The following RCAN1 variants were observed in gnomAD, a reference collection of about 807,000 sequenced individuals.
RCAN1 encodes calcipressin-1.
Under a neutral mutation model 22.9 loss-of-function variants are expected in RCAN1, and 11 were observed. The ratio of observed to expected loss-of-function variants is 0.48; its 90% confidence interval spans 0.30 to 0.79. The LOEUF (loss-of-function observed/expected upper bound fraction) is 0.79. Among genes scored for constraint, RCAN1 ranks in the 30% least tolerant of loss-of-function variants. RCAN1 has a pLI of 0.06. For missense variants in RCAN1, 291 were observed against 337.8 expected (o/e 0.86, Z 1.09); for synonymous variants, 136 against 142.3 (o/e 0.96, Z 0.32).
In RCAN1 at chr21:34,520,288, C is replaced by T. The variant is rs79891892; in HGVS notation, c.586+1211G>A. On this transcript the variant is annotated intron_variant, in intron 3 of 3. Transcript: ENST00000313806. ...CAGCATTTGCCTCTGGAACTGTGGA[C>T]ACCTCTTTGCAAGTGGAGACCCTGT... is the stretch of plus-strand genomic sequence containing the variant. Among the ~76,000 whole-genome samples the T allele has an allele frequency of 1.1e-3, 166 of 152,296 alleles. 1 individual carries two copies. The highest frequency in any genetic ancestry group is 2.0e-3 in the Non-Finnish European group (133 of 68,022).
rs1380455876 is a variant in RCAN1 at position 34,518,678 on chromosome 21, G to A, written c.587-422C>T. Among the ~76,000 whole-genome samples the A allele has an allele frequency of 6.6e-6, 1 of 152,232 alleles. No individual in the cohort carries two copies. The highest frequency in any genetic ancestry group is 2.4e-5 in the African/African-American group (1 of 41,460). On this transcript the variant is annotated intron_variant, in intron 3 of 3. Coordinates refer to ENST00000313806, the MANE Select transcript of RCAN1 (RefSeq NM_004414.7). The surrounding 1 kb of genome is among the most constrained non-coding windows in gnomAD (Gnocchi z 4.2). ...CAGAACCCTGGGCCTCCCTCATGCA[G>A]CTCCTATTTGAGGGTCGCAGTGCAC...
chr21:34,533,174 A>C (rs1985505779), intron 1 of RCAN1, among the ~76,000 whole-genome samples: 1 of 151,732 alleles, frequency 6.6e-6, no homozygotes, highest in African/African-American at 2.4e-5. Context: ...GTTAGCCAGG[A>C]TGGTCTTGAT....
At position 34,518,570 on chromosome 21, in the gene RCAN1, C is replaced by G. The variant is rs1403900473; in HGVS notation, c.587-314G>C. On this transcript the variant is annotated intron_variant, in intron 3 of 3. Coordinates refer to ENST00000313806, the MANE Select transcript of RCAN1 (RefSeq NM_004414.7). The surrounding 1 kb of genome is among the most constrained non-coding windows in gnomAD (Gnocchi z 4.2). ...AGATATCTAAACTACCCAGAGAACT[C>G]CCTTTCTGTCAGCATTTCCTCAAGT... Among the ~76,000 whole-genome samples the G allele has an allele frequency of 6.6e-6, 1 of 152,222 alleles. No individual in the cohort carries two copies. The highest frequency in any genetic ancestry group is 2.1e-4 in the South Asian group (1 of 4,822).
In RCAN1 at chr21:34,517,507, T is replaced by A. The variant is rs1229365078; in HGVS notation, c.*577A>T. On this transcript the variant is annotated 3_prime_UTR_variant, in exon 4 of 4. Coordinates refer to ENST00000313806, the MANE Select transcript of RCAN1 (RefSeq NM_004414.7). ...AACGCTTTCCTGGCTTCCCAAAAGA[T>A]GTAAAACAACAACGGTGTAACTTTA... The A allele has an allele frequency of 6.6e-6, 1 of 152,228 alleles. No homozygotes were observed. Among genetic ancestry groups the A allele is most frequent in the African/African-American group, 2.4e-5 (1 of 41,456 alleles). 9.4% of individuals were successfully genotyped at this position (152,228 alleles called of 1,614,324 possible).
At chr21:34,604,866 T>A (rs1321815187) in intron 1 of RCAN1, among the ~76,000 whole-genome samples, 1 of 152,144 alleles carries the variant, frequency 6.6e-6, no homozygotes, top group African/African-American at 2.4e-5. Context: ...CCAAAAGGTA[T>A]TTGTTGAATA....
intron 1 of RCAN1, among the ~76,000 whole-genome samples, chr21:34,603,063 T>G (rs749034307): frequency 2.0e-5 from 3 of 152,150 alleles, no homozygotes; most frequent in Non-Finnish European, 4.4e-5. Flanking sequence ...GTCTCTCCAC[T>G]TGAAAGGTTC....
rs778496731 is a variant in RCAN1 at position 34,614,740 on chromosome 21, C to G, written c.252+20G>C. 9.9e-6 allele frequency: 14 copies of G among 1,411,168 alleles called. No individual in the cohort carries two copies. In the South Asian group the frequency reaches 1.8e-4, roughly 18 times the overall value. The allele number at this position is 1,411,168 out of a possible 1,614,324, so 87.4% of individuals were successfully genotyped here. A position where few individuals can be genotyped will look rare whatever the true frequency, so the allele number is the denominator to read the frequency against. Reference sequence around the variant, plus strand: ...AGTGTCCGCCCTCCGCCCCGACGGCCCGCCCGGCGCGGTCCTCACCCGGCA... The same window carrying G: ...AGTGTCCGCCCTCCGCCCCGACGGCGCGCCCGGCGCGGTCCTCACCCGGCA... On this transcript the variant is annotated intron_variant, in intron 1 of 3. Coordinates refer to ENST00000313806, the MANE Select transcript of RCAN1 (RefSeq NM_004414.7). This position sits in a 1 kb window ranked among gnomAD's most constrained non-coding sequence, Gnocchi z 6.0.
Position 34,574,327 on chromosome 21 carries a change from C to G in RCAN1, c.252+40433G>C, listed in dbSNP as rs78939490. Reference sequence around the variant, plus strand: ...ACCTGCAGATAAGCTATCAATCAAGCGTGAGGGTGAGATACTACGTATATT... The same window carrying G: ...ACCTGCAGATAAGCTATCAATCAAGGGTGAGGGTGAGATACTACGTATATT... On this transcript the variant is annotated intron_variant, in intron 1 of 3. Transcript: ENST00000313806. 4.4e-3 allele frequency among the ~76,000 whole-genome samples: 674 copies of G among 152,250 alleles called. 3 individuals carry two copies. The highest frequency in any genetic ancestry group is 0.015 in the African/African-American group (630 of 41,542).
intron 1 of RCAN1, among the ~76,000 whole-genome samples, chr21:34,534,805 G>A (rs903964461): frequency 2.0e-5 from 3 of 152,262 alleles, no homozygotes; most frequent in Admixed American, 2.0e-4. Flanking sequence ...CTCTGTGGGT[G>A]TCACATTCCC....
intron 1 of RCAN1, among the ~76,000 whole-genome samples, chr21:34,610,080 C>T (rs1568935842): frequency 6.6e-6 from 1 of 152,140 alleles, no homozygotes; most frequent in African/African-American, 2.4e-5. Flanking sequence ...CCTGGATTTT[C>T]CAGTGCAATA....
At chr21:34,578,763 A>C (rs1199942919) in intron 1 of RCAN1, among the ~76,000 whole-genome samples, 1 of 151,924 alleles carries the variant, frequency 6.6e-6, no homozygotes, top group Non-Finnish European at 1.5e-5. Flanking sequence ...GCATGTTACC[A>C]AGTGTTACCA....
intron 1 of RCAN1, among the ~76,000 whole-genome samples, chr21:34,560,900 GCT>G (rs1469536340): frequency 1.3e-5 from 2 of 152,094 alleles, no homozygotes; most frequent in African/African-American, 4.8e-5. Context: ...ATGTGATTTG[GCT>G]CTGTGTCCCC....
intron 2 of RCAN1, 100 bp downstream of exon 2, chr21:34,523,435 CAG>C: frequency 8.8e-7 from 1 of 1,134,914 alleles, no homozygotes; most frequent in East Asian, 2.4e-5. Context: ...GGTGAAGTCT[CAG>C]AGTTTCCGGT....
At chr21:34,598,227 A>G (rs1988226763) in intron 1 of RCAN1, among the ~76,000 whole-genome samples, 1 of 152,222 alleles carries the variant, frequency 6.6e-6, no homozygotes, top group Non-Finnish European at 1.5e-5. Context: ...TAGAGTTCCC[A>G]AAGAAGAAGC....
At chr21:34,561,211 T>C (rs576139303) in intron 1 of RCAN1, among the ~76,000 whole-genome samples, 2 of 152,288 alleles carry the variant, frequency 1.3e-5, no homozygotes, top group Non-Finnish European at 2.9e-5. Context: ...CTTTCCTTTA[T>C]AAATTACCCT....
At chr21:34,597,256 A>G (rs926640597) in intron 1 of RCAN1, among the ~76,000 whole-genome samples, 20 of 152,252 alleles carry the variant, frequency 1.3e-4, no homozygotes, top group African/African-American at 4.3e-4. Context: ...TAAGTGCTCA[A>G]TAACATGACA....
At chr21:34,541,040 G>C (rs1386547332) in intron 1 of RCAN1, among the ~76,000 whole-genome samples, 2 of 152,134 alleles carry the variant, frequency 1.3e-5, no homozygotes, top group African/African-American at 4.8e-5. Flanking sequence ...GCCATGACCA[G>C]GTGCTCAGTA....
chr21:34,551,852 T>A (rs1207906621), intron 1 of RCAN1, among the ~76,000 whole-genome samples: 1 of 152,142 alleles, frequency 6.6e-6, no homozygotes, highest in African/African-American at 2.4e-5. Flanking sequence ...GGGGAAGACT[T>A]AGATGACCAA....
Position 34,518,276 on chromosome 21 carries a change from G to A in RCAN1, c.587-20C>T, listed in dbSNP as rs757903016. ...TTTCCCCTAAGGAGGGAAAATAATC[G>A]CAGGGTCACTCAGACAAGTCCTTGG... On this transcript the variant is annotated intron_variant, in intron 3 of 3. Transcript: ENST00000313806. The surrounding 1 kb of genome is among the most constrained non-coding windows in gnomAD (Gnocchi z 4.2). 1.6e-5 allele frequency: 25 copies of A among 1,611,738 alleles called. No homozygotes were observed. The East Asian group carries it at 1.8e-4, about 11-fold the overall frequency.
Sources: allele counts gnomAD v4.1 joint callset (sites outside exome capture counted in the v4.1 genomes callset), GRCh38; gene constraint gnomAD v4.1.1; non-coding constraint Gnocchi (gnomAD v3.1); transcripts MANE v1.5; gene names NCBI Gene and HGNC (gene_info 2026-07-23, HGNC 2026-07-21).